The following ERC2 variants were observed in gnomAD, a reference collection of about 807,000 sequenced individuals.
ERC2 encodes the protein ELKS/RAB6-interacting/CAST family member 2.
ERC2 carries 42 observed loss-of-function variants against 114.8 expected under a neutral mutation model. The ratio of observed to expected loss-of-function variants is 0.37; its 90% CI spans 0.29 to 0.47. The LOEUF is 0.47. Among genes scored for constraint, ERC2 ranks in the 20% least tolerant of loss-of-function variants. The probability of loss-of-function intolerance (pLI) is 0.99; values close to 1 mark genes in which losing one functional copy is unlikely to be tolerated. For missense variants in ERC2, 939 were observed against 1,150.7 expected (o/e 0.82, Z 2.66); for synonymous variants, 454 against 425.5 (o/e 1.07, Z -0.82).
At chr3:56,262,325 G>A (rs2052993671) in intron 3 of ERC2, among the ~76,000 whole-genome samples, 1 of 152,208 alleles carries the variant, frequency 6.6e-6, no homozygotes. Flanking sequence ...CTCAATGAAG[G>A]TGAAGTTGTG....
At chr3:55,542,728 C>A (rs928832853) in intron 17 of ERC2, among the ~76,000 whole-genome samples, 1 of 152,110 alleles carries the variant, frequency 6.6e-6, no homozygotes, top group African/African-American at 2.4e-5. Flanking sequence ...TCTGGGTAAC[C>A]TTTTTCATCC....
intron 15 of ERC2, among the ~76,000 whole-genome samples, chr3:55,703,576 G>GA (rs903953403): frequency 2.6e-5 from 4 of 152,208 alleles, no homozygotes; most frequent in African/African-American, 7.2e-5. Context: ...CCACTAGGTT[G>GA]AAAATCTCTT....
chr3:56,205,361 G>A (rs2048659543), intron 3 of ERC2, among the ~76,000 whole-genome samples: 1 of 152,172 alleles, frequency 6.6e-6, no homozygotes, highest in Admixed American at 6.5e-5. Context: ...AGTCCAGGGT[G>A]CACTCTTAGA....
At chr3:56,009,076 C>T (rs2072718433) in intron 9 of ERC2, among the ~76,000 whole-genome samples, 1 of 152,232 alleles carries the variant, frequency 6.6e-6, no homozygotes, top group Non-Finnish European at 1.5e-5. Flanking sequence ...ATCTGAAAGT[C>T]ATACAATGTT....
At chr3:55,932,653 A>G (rs886353579) in intron 13 of ERC2, among the ~76,000 whole-genome samples, 1 of 152,146 alleles carries the variant, frequency 6.6e-6, no homozygotes, top group Non-Finnish European at 1.5e-5. Context: ...CCCTTAAAAT[A>G]TATTCCCAAT....
chr3:56,434,209 G>A (rs1046564676), intron 2 of ERC2, 142 bp downstream of exon 2: 19 of 681,276 alleles, frequency 2.8e-5, no homozygotes, highest in Non-Finnish European at 4.4e-5. Flanking sequence ...CTCTCATAGT[G>A]TCTAAGTCAA....
chr3:56,173,514 G>T lies in ERC2; in HGVS notation c.1081C>A (p.His361Asn). The T allele has an allele frequency of 6.2e-7, 1 of 1,613,808 alleles. No individual in the cohort carries two copies. Among genetic ancestry groups the T allele is most frequent in the Admixed American group, 1.7e-5 (1 of 59,990 alleles). The change falls in exon 4 of 18, where the codon CAC (histidine) becomes AAC (asparagine). Residue 361 changes from histidine to asparagine, a missense_variant. Physicochemically the swap from His to Asn is moderately conservative, Grantham distance 68. Transcript: ENST00000288221. ...TCCGGCTGAAGTTGGCTTCTTCGGT[G>T]CAATTCCTGGGGAGGAACACGATAG... ...KENIHLREEL[H>N]RRSQLQPEPA... is the part of the protein sequence containing the mutation.
chr3:56,468,131 G>C (rs1239343574), intron 1 of ERC2, 117 bp downstream of exon 1: 1 of 151,498 alleles, frequency 6.6e-6, no homozygotes, highest in Non-Finnish European at 1.5e-5. Flanking sequence ...GGCTCCCCAC[G>C]ATAACGCATT....
chr3:56,311,924 G>T (rs528704071), intron 2 of ERC2, among the ~76,000 whole-genome samples: 2 of 151,198 alleles, frequency 1.3e-5, no homozygotes, highest in Non-Finnish European at 2.9e-5. Context: ...AACTAACCAC[G>T]GGTTAAAAAT....
At chr3:55,924,836 C>G (rs1249044653) in intron 13 of ERC2, among the ~76,000 whole-genome samples, 1 of 152,120 alleles carries the variant, frequency 6.6e-6, no homozygotes, top group African/African-American at 2.4e-5. Context: ...ATATAGGATT[C>G]AAATCCATTC....
chr3:55,689,482 T>C (rs2062518833), intron 16 of ERC2, among the ~76,000 whole-genome samples: 1 of 152,110 alleles, frequency 6.6e-6, no homozygotes, highest in African/African-American at 2.4e-5. Flanking sequence ...GCGGAACCAT[T>C]GCCAGATAAC....
chr3:55,835,209 T>G (rs1409455122), intron 14 of ERC2, among the ~76,000 whole-genome samples: 1 of 152,036 alleles, frequency 6.6e-6, no homozygotes, highest in East Asian at 1.9e-4. Context: ...CTGAAACTAT[T>G]CCAACGAACA....
intron 17 of ERC2, among the ~76,000 whole-genome samples, chr3:55,556,875 G>T (rs2055650096): frequency 6.6e-6 from 1 of 152,174 alleles, no homozygotes; most frequent in Non-Finnish European, 1.5e-5. Context: ...TTGAAAAAGG[G>T]AAGAGCTGAA....
rs544162847 is a variant in ERC2, at chr3:55,789,173, C to A, written c.2565-54255G>T. Among the ~76,000 whole-genome samples the A allele has an allele frequency of 3.9e-5, 6 of 152,330 alleles. No individual in the cohort carries two copies. The East Asian group carries it at 1.2e-3, about 29-fold the overall frequency. ...CCTAAGGCTTAATATTTGCAGATGT[C>A]CCCCGCCAATTTTATCCTATAATGC... On this transcript the variant is annotated intron_variant, in intron 14 of 17. Transcript: ENST00000288221.
intron 12 of ERC2, among the ~76,000 whole-genome samples, chr3:55,977,893 T>A (rs2069719654): frequency 6.6e-6 from 1 of 152,076 alleles, no homozygotes; most frequent in South Asian, 2.1e-4. Context: ...AGCCTTTAGG[T>A]ATAGATATGG....
chr3:55,996,578 A>G (rs62253748), intron 10 of ERC2, among the ~76,000 whole-genome samples: 23,504 of 152,208 alleles, frequency 0.15, 2,033 homozygotes, highest in South Asian at 0.23. Context: ...TCTGCATCGC[A>G]TACTACATCA....
intron 3 of ERC2, among the ~76,000 whole-genome samples, chr3:56,247,971 C>A (rs753244016): frequency 3.3e-5 from 5 of 152,214 alleles, no homozygotes; most frequent in African/African-American, 4.8e-5. Context: ...TAATTGCAGG[C>A]ATTCCACATG....
In ERC2 at chr3:55,950,509, C is replaced by T. The variant is rs748230184; in HGVS notation, c.2319G>A (p.Gln773=). 1 of 1,614,032 alleles carries T rather than the reference C, an allele frequency of 6.2e-7. No homozygotes were observed. Among genetic ancestry groups the T allele is most frequent in the Non-Finnish European group, 8.5e-7 (1 of 1,179,890 alleles). ...KKVANLKHNQ[Q]LEKKKNAQLL... ...ACTGAGCATTTTTCTTCTTTTCCAA[C>T]TGTTGATTGTGCTTGAGGTTGGCCA... The change falls in exon 13 of 18, where the codon CAG becomes CAA. Residue 773 remains glutamine (Q), a synonymous_variant. Transcript: ENST00000288221.
intron 14 of ERC2, among the ~76,000 whole-genome samples, chr3:55,779,892 CT>C (rs11342517): frequency 0.23 from 34,220 of 149,736 alleles, 4,188 homozygotes; most frequent in African/African-American, 0.3. Flanking sequence ...AAGTCTTAGT[CT>C]TTTTTTTTTG....
Sources: allele counts gnomAD v4.1 joint callset (sites outside exome capture counted in the v4.1 genomes callset), GRCh38; gene constraint gnomAD v4.1.1; transcripts MANE v1.5; gene names NCBI Gene and HGNC (gene_info 2026-07-23, HGNC 2026-07-21).